B3GALT1: variants seen among roughly 807,000 people sequenced by gnomAD.
B3GALT1 encodes the protein beta-1,3-galactosyltransferase 1, also known as UDP-Gal:betaGlcNAc beta 1,3-galactosyltransferase, polypeptide 1.
Under a neutral mutation model 23.2 loss-of-function variants are expected in B3GALT1, and 10 were observed. The ratio of observed to expected loss-of-function variants is 0.43; its 90% CI spans 0.27 to 0.73. B3GALT1 has a LOEUF of 0.73. Among genes scored for constraint, B3GALT1 ranks in the 30% least tolerant of loss-of-function variants. The probability of loss-of-function intolerance (pLI) is 0.21; values close to 1 mark genes in which losing one functional copy is unlikely to be tolerated. For synonymous variants in B3GALT1, 156 were observed against 141.5 expected (o/e 1.10, Z -0.73); for missense variants, 299 against 405.4 (o/e 0.74, Z 2.25).
At chr2:167,796,556 G>A (rs1319943548) in intron 3 of B3GALT1, among the ~76,000 whole-genome samples, 1 of 152,142 alleles carries the variant, frequency 6.6e-6, no homozygotes, top group African/African-American at 2.4e-5. Flanking sequence ...AGACCAGCCT[G>A]GCCAACATGG....
chr2:167,707,749 A>G (rs939702788), intron 3 of B3GALT1, among the ~76,000 whole-genome samples: 3 of 152,102 alleles, frequency 2.0e-5, no homozygotes, highest in Non-Finnish European at 2.9e-5. Flanking sequence ...TCCCCTTTCC[A>G]TGTAACCTAA....
chr2:167,787,825 C>G (rs867431136), intron 3 of B3GALT1, among the ~76,000 whole-genome samples: 2 of 152,208 alleles, frequency 1.3e-5, no homozygotes, highest in African/African-American at 4.8e-5. Flanking sequence ...GAGTCTGTCA[C>G]CTGTCAGAGA....
At chr2:167,502,609 AG>A (rs1283537314) in intron 2 of B3GALT1, among the ~76,000 whole-genome samples, 1 of 152,092 alleles carries the variant, frequency 6.6e-6, no homozygotes, top group African/African-American at 2.4e-5. Context: ...AAGAGAGCAA[AG>A]GGGGAAGTGC....
chr2:167,554,372 A>G (rs527684297), intron 2 of B3GALT1, among the ~76,000 whole-genome samples: 1 of 152,328 alleles, frequency 6.6e-6, no homozygotes, highest in East Asian at 1.9e-4. Flanking sequence ...ATTGATAAGG[A>G]AGACATCACT....
chr2:167,866,882 A>G (rs1690229514), intron 4 of B3GALT1, among the ~76,000 whole-genome samples: 1 of 152,164 alleles, frequency 6.6e-6, no homozygotes, highest in African/African-American at 2.4e-5. Context: ...CTCACTTACA[A>G]CCTTTTGTAA....
intron 2 of B3GALT1, among the ~76,000 whole-genome samples, chr2:167,559,297 C>G (rs1683920534): frequency 6.6e-6 from 1 of 152,128 alleles, no homozygotes. Flanking sequence ...ACACCAAAAA[C>G]CCATCTGTAC....
At chr2:167,713,925 T>G in intron 3 of B3GALT1, 1 of 1,576,308 alleles carries the variant, frequency 6.3e-7, no homozygotes, top group Non-Finnish European at 8.7e-7. Context: ...GGAGGTCCTC[T>G]TCTCGTGAAC....
chr2:167,829,138 A>G (rs554820766), intron 4 of B3GALT1, among the ~76,000 whole-genome samples: 184 of 152,354 alleles, frequency 1.2e-3, no homozygotes, highest in Non-Finnish European at 2.1e-3. Context: ...CTGATTGTCT[A>G]TAATGTCCTA....
At chr2:167,656,175 C>T (rs1685952824) in intron 3 of B3GALT1, among the ~76,000 whole-genome samples, 1 of 152,078 alleles carries the variant, frequency 6.6e-6, no homozygotes, top group Non-Finnish European at 1.5e-5. Context: ...AACTGAAAAC[C>T]ACTTTGTAAT....
intron 2 of B3GALT1, among the ~76,000 whole-genome samples, chr2:167,501,088 TA>T (rs1559115065): frequency 6.6e-6 from 1 of 152,078 alleles, no homozygotes; most frequent in Admixed American, 6.6e-5. Context: ...TGTATTTTAA[TA>T]AATTAAAATA....
intron 3 of B3GALT1, among the ~76,000 whole-genome samples, chr2:167,799,954 GTATACACTTA>G (rs1688608898): frequency 2.9e-4 from 28 of 97,122 alleles, no homozygotes; most frequent in African/African-American, 1.3e-3. Flanking sequence ...CAATGTGTAT[GTATACACTTA>G]TGTATACACT....
At chr2:167,719,345 G>A (rs11681744) in intron 3 of B3GALT1, among the ~76,000 whole-genome samples, 27 of 152,162 alleles carry the variant, frequency 1.8e-4, no homozygotes, top group African/African-American at 5.3e-4. Flanking sequence ...AATGCTTGAC[G>A]TACAGGCAGA....
chr2:167,418,666 T>C lies in B3GALT1; in HGVS notation c.-510-71511T>C, dbSNP rs544643322. On this transcript the variant is annotated intron_variant, in intron 1 of 4. Coordinates refer to ENST00000392690, the MANE Select transcript of B3GALT1 (RefSeq NM_020981.4). ...GAAGCCACTTTCCCAATTTCTTCCT[T>C]TATTTCTTCCTCTTTTTTTTTTTTT... 3.9e-3 allele frequency among the ~76,000 whole-genome samples: 558 copies of C among 141,964 alleles called. 6 individuals are homozygous for C. Among genetic ancestry groups the C allele is most frequent in the African/African-American group, 0.014 (534 of 38,886 alleles). The allele number at this position is 141,964 out of a possible 152,430, so 93.1% of individuals were successfully genotyped here. A position where few individuals can be genotyped will look rare whatever the true frequency, so the allele number is the denominator to read the frequency against.
chr2:167,690,802 T>C (rs1375246458), intron 3 of B3GALT1, among the ~76,000 whole-genome samples: 1 of 152,176 alleles, frequency 6.6e-6, no homozygotes, highest in Non-Finnish European at 1.5e-5. Flanking sequence ...GAAGTAAGAA[T>C]TATTTGTTCA....
At chr2:167,586,095 C>T (rs973341126) in intron 2 of B3GALT1, among the ~76,000 whole-genome samples, 2 of 152,128 alleles carry the variant, frequency 1.3e-5, no homozygotes, top group Non-Finnish European at 2.9e-5. Context: ...ACTAATGAAG[C>T]TGTGCACTTT....
chr2:167,654,558 TG>T (rs1180597912), intron 3 of B3GALT1, among the ~76,000 whole-genome samples: 3 of 152,120 alleles, frequency 2.0e-5, no homozygotes, highest in Non-Finnish European at 2.9e-5. Flanking sequence ...GGAGTACAGT[TG>T]CTCAATCATA....
In B3GALT1 at chr2:167,702,129, C is replaced by T. The variant is rs374701490; in HGVS notation, c.-352+55163C>T. On this transcript the variant is annotated intron_variant, in intron 3 of 4. Coordinates refer to ENST00000392690, the MANE Select transcript of B3GALT1 (RefSeq NM_020981.4). ...AGTATCTCTGTGTGATGCAGTCCTC[C>T]ACCAGAAGTCCTCCCTTCATGGCTT... Among the ~76,000 whole-genome samples the T allele has an allele frequency of 2.0e-5, 3 of 152,332 alleles. No individual in the cohort carries two copies. In the East Asian group the frequency reaches 5.8e-4, roughly 29 times the overall value.
chr2:167,460,199 T>C (rs2105325105), intron 1 of B3GALT1, among the ~76,000 whole-genome samples: 1 of 152,222 alleles, frequency 6.6e-6, no homozygotes, highest in East Asian at 1.9e-4. Flanking sequence ...ATATTCTCCC[T>C]ACCCCTTCCT....
intron 3 of B3GALT1, chr2:167,713,808 A>C: frequency 6.3e-7 from 1 of 1,593,076 alleles, no homozygotes; most frequent in Non-Finnish European, 8.6e-7. Flanking sequence ...CTCTGTGGAT[A>C]GATGTTTCTC....
Sources: gnomAD v4.1 joint callset for allele counts (sites outside exome capture counted in the v4.1 genomes callset) on GRCh38, gnomAD v4.1.1 for gene constraint, MANE v1.5 for transcripts, NCBI Gene and HGNC (gene_info 2026-07-23, HGNC 2026-07-21) for gene names.